The following ZNF804A variants were observed in gnomAD, a reference collection of about 807,000 sequenced individuals.
ZNF804A encodes the protein zinc finger protein 804A.
ZNF804A carries 2 observed loss-of-function variants against 16.5 expected under a neutral mutation model. The observed-to-expected ratio is 0.12, with a 90% CI of 0.05 to 0.38. The LOEUF is 0.38. Ranked by LOEUF, ZNF804A falls within the 10% of genes least tolerant of loss-of-function variation. The pLI, the probability that ZNF804A is intolerant of heterozygous loss-of-function variation, is 0.99. For synonymous variants in ZNF804A, 534 were observed against 489.6 expected, an observed-to-expected ratio of 1.09 and a Z score of -1.20; for missense variants, 1,473 against 1,390.7, an observed-to-expected ratio of 1.06 and a Z score of -0.94.
chr2:184,706,649 C>T (rs190136642), intron 1 of ZNF804A, among the ~76,000 whole-genome samples: 36 of 152,196 alleles, frequency 2.4e-4, no homozygotes, highest in African/African-American at 8.2e-4. Flanking sequence ...AGATGATCTT[C>T]CCCTATCTTG....
intron 1 of ZNF804A, among the ~76,000 whole-genome samples, chr2:184,695,418 G>A (rs1027585744): frequency 7.4e-6 from 1 of 134,360 alleles, no homozygotes; most frequent in Admixed American, 8.4e-5. Flanking sequence ...CCGAGATTGC[G>A]CCACTGCACT....
At chr2:184,637,900 A>C (rs1355237558) in intron 1 of ZNF804A, among the ~76,000 whole-genome samples, 1 of 152,130 alleles carries the variant, frequency 6.6e-6, no homozygotes. Context: ...TCCTTCATAT[A>C]ACTTTTTACC....
At chr2:184,864,403 C>T (rs1308764273) in intron 1 of ZNF804A, among the ~76,000 whole-genome samples, 2 of 152,166 alleles carry the variant, frequency 1.3e-5, no homozygotes, top group Admixed American at 6.5e-5. Context: ...TAGGCCCCAC[C>T]TCCAGCATTG....
chr2:184,615,703 G>A (rs2105675626), intron 1 of ZNF804A, among the ~76,000 whole-genome samples: 1 of 152,216 alleles, frequency 6.6e-6, no homozygotes, highest in East Asian at 1.9e-4. Context: ...ATAATAGGCA[G>A]TGATATAAGG....
chr2:184,789,648 G>T (rs950441091), intron 1 of ZNF804A, among the ~76,000 whole-genome samples: 1 of 151,924 alleles, frequency 6.6e-6, no homozygotes, highest in Admixed American at 6.6e-5. Context: ...AATCTCTGAT[G>T]ATCTTTTGCA....
intron 1 of ZNF804A, among the ~76,000 whole-genome samples, chr2:184,671,975 T>C (rs1194228983): frequency 6.6e-6 from 1 of 152,256 alleles, no homozygotes; most frequent in Non-Finnish European, 1.5e-5. Context: ...TAAAATGTTA[T>C]ATGGACTGAT....
At chr2:184,854,127 T>C (rs1214889979) in intron 1 of ZNF804A, among the ~76,000 whole-genome samples, 1 of 151,924 alleles carries the variant, frequency 6.6e-6, no homozygotes, top group African/African-American at 2.4e-5. Context: ...GTTCAGAGTT[T>C]CTATTACAGG....
At chr2:184,806,701 T>A (rs904497921) in intron 1 of ZNF804A, among the ~76,000 whole-genome samples, 2 of 151,844 alleles carry the variant, frequency 1.3e-5, no homozygotes, top group Non-Finnish European at 3.0e-5. Flanking sequence ...ACATACATCA[T>A]CCCTACAATT....
chr2:184,869,188 G>T (rs1695933047), intron 2 of ZNF804A, among the ~76,000 whole-genome samples: 1 of 151,908 alleles, frequency 6.6e-6, no homozygotes, highest in South Asian at 2.1e-4. Flanking sequence ...TCAGATAAGG[G>T]ACACTCAACC....
chr2:184,670,041 C>A (rs1207343476), intron 1 of ZNF804A, among the ~76,000 whole-genome samples: 1 of 152,064 alleles, frequency 6.6e-6, no homozygotes, highest in East Asian at 1.9e-4. Context: ...GATAGCTTAG[C>A]AGTGTTAAAA....
intron 1 of ZNF804A, among the ~76,000 whole-genome samples, chr2:184,641,011 G>A (rs1691788171): frequency 6.6e-6 from 1 of 152,098 alleles, no homozygotes; most frequent in African/African-American, 2.4e-5. Flanking sequence ...CTGGAGTGCG[G>A]TGGCACAATC....
intron 2 of ZNF804A, among the ~76,000 whole-genome samples, chr2:184,904,530 T>A (rs751657049): frequency 1.3e-5 from 2 of 152,124 alleles, no homozygotes; most frequent in Non-Finnish European, 2.9e-5. Context: ...ATACTTGCCA[T>A]GACAAAGTAT....
At chr2:184,808,417 A>G (rs2105785544) in intron 1 of ZNF804A, among the ~76,000 whole-genome samples, 1 of 151,766 alleles carries the variant, frequency 6.6e-6, no homozygotes, top group Middle Eastern at 3.4e-3. Context: ...GGCAGAAGTG[A>G]TGTAAAATAA....
chr2:184,687,239 T>C (rs1472012614), intron 1 of ZNF804A, among the ~76,000 whole-genome samples: 2 of 152,220 alleles, frequency 1.3e-5, no homozygotes, highest in Non-Finnish European at 2.9e-5. Context: ...CTTCTGCATA[T>C]GGCTAACCAG....
intron 1 of ZNF804A, among the ~76,000 whole-genome samples, chr2:184,623,211 T>C (rs1691445293): frequency 6.6e-6 from 1 of 152,006 alleles, no homozygotes; most frequent in Non-Finnish European, 1.5e-5. Context: ...ATAAAGTTAA[T>C]ATGCATAAAA....
chr2:184,755,624 A>G (rs906306983), intron 1 of ZNF804A, among the ~76,000 whole-genome samples: 3 of 151,970 alleles, frequency 2.0e-5, no homozygotes, highest in African/African-American at 7.2e-5. Flanking sequence ...GTGTTGAGGT[A>G]TATGGATTTA....
intron 1 of ZNF804A, among the ~76,000 whole-genome samples, chr2:184,842,069 T>C (rs1484373524): frequency 6.6e-6 from 1 of 152,218 alleles, no homozygotes; most frequent in Non-Finnish European, 1.5e-5. Flanking sequence ...CCCTTACTCA[T>C]TGTATCTTCT....
chr2:184,834,621 T>C (rs116613396), intron 1 of ZNF804A, among the ~76,000 whole-genome samples: 78 of 152,266 alleles, frequency 5.1e-4, no homozygotes, highest in African/African-American at 1.8e-3. Context: ...TAGTCCAACA[T>C]GCAACAAAGG....
At chr2:184,725,762 A>T (rs1227711732) in intron 1 of ZNF804A, among the ~76,000 whole-genome samples, 1 of 151,530 alleles carries the variant, frequency 6.6e-6, no homozygotes, top group African/African-American at 2.4e-5. Flanking sequence ...GCTCTGCCTG[A>T]TGCTACCCCT....
Sources: gnomAD v4.1 joint callset for allele counts (sites outside exome capture counted in the v4.1 genomes callset) on GRCh38, gnomAD v4.1.1 for gene constraint, MANE v1.5 for transcripts, NCBI Gene and HGNC (gene_info 2026-07-23, HGNC 2026-07-21) for gene names.